Variants in NAF1 observed in about 807,000 individuals in gnomAD.
NAF1 encodes the protein nuclear assembly factor 1 ribonucleoprotein, also known as H/ACA ribonucleoprotein complex non-core subunit NAF1.
Under a neutral mutation model 40.6 loss-of-function variants are expected in NAF1, and 11 were observed. That is an observed-to-expected ratio of 0.27 (90% CI 0.17 to 0.45). NAF1 has a LOEUF of 0.45. Ranked by LOEUF, NAF1 falls within the 20% of genes least tolerant of loss-of-function variation. NAF1 has a pLI of 1.00. For missense variants in NAF1, 607 were observed against 611.1 expected (o/e 0.99, Z 0.07); for synonymous variants, 260 against 228.5 (o/e 1.14, Z -1.24).
chr4:163,116,184 G>C (rs1207409157), intron 2 of NAF1, among the ~76,000 whole-genome samples: 1 of 152,122 alleles, frequency 6.6e-6, no homozygotes, highest in African/African-American at 2.4e-5. Context: ...CAACAATCCA[G>C]TTTCCAACTA....
intron 2 of NAF1, 21 bp downstream of exon 2, chr4:163,164,196 T>C (rs1175921949): frequency 1.6e-5 from 24 of 1,498,690 alleles, no homozygotes; most frequent in Non-Finnish European, 2.0e-5. Flanking sequence ...CAAACTAAGC[T>C]TAATAAATCT....
At chr4:163,116,411 A>T (rs536902274) in intron 2 of NAF1, among the ~76,000 whole-genome samples, 16 of 152,120 alleles carry the variant, frequency 1.1e-4, no homozygotes, top group Admixed American at 3.9e-4. Flanking sequence ...TGTGTGTGTG[A>T]GAGAGAGATC....
chr4:163,131,603 G>C (rs567840856), intron 7 of NAF1, among the ~76,000 whole-genome samples: 2 of 152,202 alleles, frequency 1.3e-5, no homozygotes, highest in South Asian at 4.1e-4. Context: ...TGAATCACAA[G>C]TGTACAATTT....
At chr4:163,126,762 C>A, downstream of NAF1, 2 of 370,878 alleles carry the variant, frequency 5.4e-6, no homozygotes, top group East Asian at 5.3e-5. Flanking sequence ...AAGGAAGAGC[C>A]AATTAATGTA....
intron 4 of NAF1, chr4:163,142,018 A>C: frequency 1.7e-6 from 1 of 578,604 alleles, no homozygotes; most frequent in Non-Finnish European, 2.2e-6. Flanking sequence ...TGTATTATGA[A>C]ATAACACTAA....
At position 163,115,138 on chromosome 4, in the gene NAF1, ACT is replaced by A. The variant is rs530367369; in HGVS notation, c.115-4850_115-4849del. Among the ~76,000 whole-genome samples the A allele has an allele frequency of 1.7e-4, 26 of 150,850 alleles. No homozygotes were observed. The East Asian group carries it at 2.7e-3, about 16-fold the overall frequency. On this transcript the variant is annotated intron_variant, in intron 2 of 2. Transcript: ENST00000509434. ...ATCATTAGGACCACAGGCATGAAAG[ACT>A]CTACATTTTTTCTGTTATTCTCAAT... is the stretch of plus-strand genomic sequence containing the variant.
At position 163,164,331 on chromosome 4, in the gene NAF1, A is replaced by G. The variant is rs145217718; in HGVS notation, c.426T>C (p.Ser142=). ...GAGGAAGTGATATACAAGAGGAAGA[A>G]GACGACGATGAGGAAGATGAAGAGG... ...SSSSSSSSSS[S]SSSCISLPPV... is the part of the protein sequence containing the mutation. Residue 142 remains serine, a synonymous_variant, in exon 2 of 8, where the codon TCT becomes TCC. Transcript: ENST00000274054. 1 of 1,601,714 alleles carries G rather than the reference A, an allele frequency of 6.2e-7. No homozygotes were observed. The highest frequency in any genetic ancestry group is 8.5e-7 in the Non-Finnish European group (1 of 1,174,832).
At chr4:163,149,164 T>G (rs1403442227) in intron 2 of NAF1, among the ~76,000 whole-genome samples, 1 of 152,210 alleles carries the variant, frequency 6.6e-6, no homozygotes, top group Non-Finnish European at 1.5e-5. Context: ...AAGAGAAATC[T>G]AAGAATAAAT....
At chr4:163,151,461 T>C (rs1731702347) in intron 2 of NAF1, among the ~76,000 whole-genome samples, 2 of 152,038 alleles carry the variant, frequency 1.3e-5, no homozygotes, top group Non-Finnish European at 2.9e-5. Context: ...TCCAAACTAC[T>C]AGCCAGTTAT....
rs546757496 is a variant in NAF1 at position 163,162,255 on chromosome 4, A to T, written c.540+1962T>A. ...ATACACTATCCTTAGTACTCAGGAC[A>T]AAGTCATTCTTTTCCCCCAAACTTA... On this transcript the variant is annotated intron_variant, in intron 2 of 7. Transcript: ENST00000274054. Among the ~76,000 whole-genome samples, 21 of 152,350 alleles carry T rather than the reference A, an allele frequency of 1.4e-4. No individual in the cohort carries two copies. In the South Asian group the frequency reaches 4.3e-3, roughly 32 times the overall value.
At chr4:163,130,041 G>T (rs548390314) in intron 7 of NAF1, among the ~76,000 whole-genome samples, 1 of 152,150 alleles carries the variant, frequency 6.6e-6, no homozygotes, top group Non-Finnish European at 1.5e-5. Context: ...CAGAGGCTAA[G>T]AGGAATACCT....
chr4:163,105,810 A>G (rs1730040459), downstream of NAF1, among the ~76,000 whole-genome samples: 1 of 152,156 alleles, frequency 6.6e-6, no homozygotes, highest in Admixed American at 6.6e-5. Context: ...TGTGGAAAAC[A>G]TGTTTATTTT....
rs1732506618 is a variant in NAF1, at chr4:163,166,870, C to T, written c.-143G>A. 2 of 1,119,402 alleles carry T rather than the reference C, an allele frequency of 1.8e-6. No individual in the cohort carries two copies. Among genetic ancestry groups the T allele is most frequent in the Admixed American group, 3.0e-5 (1 of 33,482 alleles). The allele number at this position is 1,119,402 out of a possible 1,614,324, so 69.3% of individuals were successfully genotyped here. A position where few individuals can be genotyped will look rare whatever the true frequency, so the allele number is the denominator to read the frequency against. Reference sequence around the variant, plus strand: ...TTCCCGCGTTTCTCAGGTAACTACACGCGGAGGAGCCAAAAGACACGCCCC... The same window carrying T: ...TTCCCGCGTTTCTCAGGTAACTACATGCGGAGGAGCCAAAAGACACGCCCC... On this transcript the variant is annotated 5_prime_UTR_variant, in exon 1 of 8. It adds an upstream start codon to the 5' untranslated region. Transcript: ENST00000274054.
chr4:163,112,410 TG>T (rs1239388330), intron 2 of NAF1, among the ~76,000 whole-genome samples: 3 of 152,168 alleles, frequency 2.0e-5, no homozygotes, highest in African/African-American at 7.2e-5. Context: ...ATTGGAATAC[TG>T]AACATGTGTT....
In NAF1 at chr4:163,129,336, G is replaced by A. The variant is rs1331404938; in HGVS notation, c.1046C>T (p.Thr349Ile). 2 of 1,606,176 alleles carry A rather than the reference G, an allele frequency of 1.2e-6. No homozygotes were observed. The highest frequency in any genetic ancestry group is 2.2e-5 in the East Asian group (1 of 44,732). The change falls in exon 8 of 8, where the codon ACT becomes ATT. Residue 349 changes from threonine (T) to isoleucine (I), a missense_variant. Around this residue, in one of 3 missense-constraint regions of NAF1, gnomAD observed 189 missense variants for 216.6 expected, o/e 0.87. Coordinates refer to ENST00000274054, the MANE Select transcript of NAF1 (RefSeq NM_138386.3). ...SEFNEPGEDF[T>I]EVHQNWNAHS... ...AGCATTCCAATTCTGATGTACTTCA[G>A]TAAAATCTTCACCTTTGAGTGAGGG...
chr4:163,159,770 A>G (rs1222359175), intron 2 of NAF1, among the ~76,000 whole-genome samples: 1 of 152,170 alleles, frequency 6.6e-6, no homozygotes, highest in African/African-American at 2.4e-5. Flanking sequence ...ATTGCCAATA[A>G]GCATTAATTT....
intron 2 of NAF1, among the ~76,000 whole-genome samples, chr4:163,111,848 T>C (rs1438384255): frequency 6.6e-6 from 1 of 152,174 alleles, no homozygotes; most frequent in East Asian, 1.9e-4. Context: ...GAGTTTGATG[T>C]CCTGGAAGCC....
chr4:163,144,120 T>C (rs1374966501), intron 4 of NAF1: 1 of 574,744 alleles, frequency 1.7e-6, no homozygotes, highest in Non-Finnish European at 2.2e-6. Flanking sequence ...TCCTACCCAC[T>C]GATATATGAG....
intron 7 of NAF1, 104 bp from the exon 8 acceptor site, chr4:163,129,452 G>A (rs1315130062): frequency 8.3e-7 from 1 of 1,204,640 alleles, no homozygotes; most frequent in Non-Finnish European, 1.1e-6. Flanking sequence ...AGTATATCTT[G>A]TGGCAGTTAA....
Sources: allele counts gnomAD v4.1 joint callset (sites outside exome capture counted in the v4.1 genomes callset), GRCh38; gene constraint gnomAD v4.1.1; regional missense constraint gnomAD v4.1.1; transcripts MANE v1.5; gene names NCBI Gene and HGNC (gene_info 2026-07-23, HGNC 2026-07-21).